C1orf21: variants seen among roughly 807,000 people sequenced by gnomAD.
C1orf21 encodes the protein uncharacterized protein C1orf21.
A neutral mutation model predicts 18.7 loss-of-function variants in C1orf21; 3 were observed. The ratio of observed to expected loss-of-function variants is 0.16; its 90% CI spans 0.07 to 0.42. C1orf21 has a LOEUF of 0.42. C1orf21 is among the 10% of genes least tolerant of loss of function. The pLI is 0.99. For synonymous variants in C1orf21, 41 were observed against 46.4 expected (o/e 0.88, Z 0.47); for missense variants, 104 against 143.6 (o/e 0.72, Z 1.41).
At chr1:184,445,878 C>T (rs936400174) in intron 1 of C1orf21, among the ~76,000 whole-genome samples, 2 of 152,102 alleles carry the variant, frequency 1.3e-5, no homozygotes, top group African/African-American at 4.8e-5. Context: ...TTTATCATAA[C>T]AATTACATTA....
chr1:184,548,692 CTT>C (rs1234954352), intron 3 of C1orf21, among the ~76,000 whole-genome samples: 1 of 152,060 alleles, frequency 6.6e-6, no homozygotes, highest in African/African-American at 2.4e-5. Flanking sequence ...AAATTTTAGA[CTT>C]TTGATTTGGA....
intron 1 of C1orf21, among the ~76,000 whole-genome samples, chr1:184,471,377 C>T (rs1310362462): frequency 6.6e-6 from 1 of 152,134 alleles, no homozygotes; most frequent in East Asian, 1.9e-4. Flanking sequence ...AGGTTTCAGA[C>T]TTGCAAGTAT....
intron 1 of C1orf21, among the ~76,000 whole-genome samples, chr1:184,401,039 A>T (rs1025490730): frequency 2.6e-5 from 4 of 152,148 alleles, no homozygotes; most frequent in African/African-American, 9.7e-5. Flanking sequence ...GGTCTTAGCC[A>T]TCTAACTGGT....
At chr1:184,423,393 A>G (rs1400585903) in intron 1 of C1orf21, among the ~76,000 whole-genome samples, 1 of 152,184 alleles carries the variant, frequency 6.6e-6, no homozygotes, top group East Asian at 1.9e-4. Context: ...GTTTTGAAAA[A>G]TGAATAAAAG....
intron 5 of C1orf21, among the ~76,000 whole-genome samples, chr1:184,617,193 C>G (rs548118825): frequency 6.6e-5 from 10 of 152,184 alleles, no homozygotes; most frequent in African/African-American, 2.4e-4. Context: ...GGATGGAGAC[C>G]GTGATTATCC....
chr1:184,612,814 G>C (rs901334238), intron 5 of C1orf21, among the ~76,000 whole-genome samples: 4 of 152,194 alleles, frequency 2.6e-5, no homozygotes, highest in African/African-American at 9.7e-5. Context: ...AGAAGGGTGA[G>C]TATAGTACAC....
chr1:184,568,499 G>A (rs1187659353), intron 3 of C1orf21: 1 of 465,174 alleles, frequency 2.1e-6, no homozygotes, highest in East Asian at 7.0e-5. Flanking sequence ...AGTATTATAA[G>A]GGAATAATAT....
intron 3 of C1orf21, among the ~76,000 whole-genome samples, chr1:184,554,245 A>G (rs1003892671): frequency 6.6e-6 from 1 of 152,174 alleles, no homozygotes; most frequent in Non-Finnish European, 1.5e-5. Context: ...TAAGGGATCT[A>G]TATAGTTTGA....
Position 184,475,734 on chromosome 1 carries a change from G to GGT in C1orf21, c.-124-1605_-124-1604dup, listed in dbSNP as rs10553261. Among the ~76,000 whole-genome samples, 970 of 138,122 alleles carry GGT rather than the reference G, an allele frequency of 7.0e-3. 7 individuals are homozygous for GGT. Among genetic ancestry groups the GGT allele is most frequent in the South Asian group, 0.014 (57 of 3,980 alleles). 90.6% of individuals were successfully genotyped at this position (138,122 alleles called of 152,430 possible). On this transcript the variant is annotated intron_variant, in intron 1 of 5. Transcript: ENST00000235307. The stretch of plus-strand genomic sequence containing the variant: ...ACATTACTGCTAAATAATGGAATAG[G>GGT]GTGTGTGTGTGTGTGTGTGTGTGTG...
intron 1 of C1orf21, 110 bp from the exon 2 acceptor site, chr1:184,477,276 G>C (rs1657584762): frequency 2.3e-6 from 1 of 430,792 alleles, no homozygotes; most frequent in South Asian, 3.7e-5. Context: ...TGCGATGGGT[G>C]GGTCTGTGCA....
intron 1 of C1orf21, among the ~76,000 whole-genome samples, chr1:184,414,276 A>G (rs1199865206): frequency 1.3e-5 from 2 of 152,136 alleles, no homozygotes; most frequent in African/African-American, 4.8e-5. Flanking sequence ...GACCACAGGC[A>G]TGCCAACATG....
chr1:184,565,074 A>G (rs76767828), intron 3 of C1orf21, among the ~76,000 whole-genome samples: 1,643 of 152,312 alleles, frequency 0.011, 31 homozygotes, highest in African/African-American at 0.038. Context: ...ACTACCCTTA[A>G]AAGTGCCATC....
chr1:184,405,560 ACCCC>A (rs1656230994), intron 1 of C1orf21, among the ~76,000 whole-genome samples: 1 of 151,974 alleles, frequency 6.6e-6, no homozygotes, highest in Admixed American at 6.6e-5. Flanking sequence ...CATTCTTGCT[ACCCC>A]TACTTTCCAC....
chr1:184,445,900 T>C lies in C1orf21; in HGVS notation c.-124-31486T>C, dbSNP rs1657022801. On this transcript the variant is annotated intron_variant, in intron 1 of 5. Transcript: ENST00000235307. ...TAACAATTACATTAACATAATATTA[T>C]TGGCTAAATATTTCCCTTGCCAAGT... Among the ~76,000 whole-genome samples the C allele has an allele frequency of 2.6e-5, 4 of 152,302 alleles. No homozygotes were observed. The South Asian group carries it at 6.2e-4, about 24-fold the overall frequency.
intron 2 of C1orf21, among the ~76,000 whole-genome samples, chr1:184,504,541 C>T (rs1005617782): frequency 2.6e-5 from 4 of 152,288 alleles, no homozygotes; most frequent in African/African-American, 7.2e-5. Context: ...TGAGGTAGGA[C>T]GTTCCTGATG....
At chr1:184,561,687 G>A (rs907280187) in intron 3 of C1orf21, among the ~76,000 whole-genome samples, 14 of 152,124 alleles carry the variant, frequency 9.2e-5, no homozygotes, top group African/African-American at 2.9e-4. Context: ...TGTGATCTTC[G>A]GCTCACTGCA....
chr1:184,472,276 A>G (rs1015316959), intron 1 of C1orf21, among the ~76,000 whole-genome samples: 3 of 152,258 alleles, frequency 2.0e-5, no homozygotes, highest in Non-Finnish European at 4.4e-5. Context: ...CTCCTGATCT[A>G]TTAATAATGT....
At chr1:184,439,935 A>G (rs1656918457) in intron 1 of C1orf21, among the ~76,000 whole-genome samples, 1 of 152,242 alleles carries the variant, frequency 6.6e-6, no homozygotes, top group Admixed American at 6.5e-5. Context: ...TTTAGAAAAA[A>G]TTAAAATGAA....
intron 1 of C1orf21, among the ~76,000 whole-genome samples, chr1:184,474,001 G>A (rs1234669460): frequency 6.6e-6 from 1 of 152,194 alleles, no homozygotes; most frequent in Non-Finnish European, 1.5e-5. Flanking sequence ...AATTGGACAA[G>A]TGTTTATGTG....
Sources: allele counts gnomAD v4.1 joint callset (sites outside exome capture counted in the v4.1 genomes callset), GRCh38; gene constraint gnomAD v4.1.1; transcripts MANE v1.5; gene names NCBI Gene and HGNC (gene_info 2026-07-23, HGNC 2026-07-21).